SHPRH: variants seen among roughly 807,000 people sequenced by gnomAD.
SHPRH encodes the protein E3 ubiquitin-protein ligase SHPRH.
SHPRH carries 106 observed loss-of-function variants against 202.5 expected under a neutral mutation model. The observed-to-expected ratio is 0.52, with a 90% confidence interval of 0.45 to 0.62. The LOEUF (loss-of-function observed/expected upper bound fraction) is 0.62. SHPRH is among the 20% of genes least tolerant of loss of function. The pLI, the probability that SHPRH is intolerant of heterozygous loss-of-function variation, is 0.00. For synonymous variants in SHPRH, 729 were observed against 686.0 expected, an observed-to-expected ratio of 1.06 and a Z score of -0.98; for missense variants, 1,710 against 2,020.0, an observed-to-expected ratio of 0.85 and a Z score of 2.94.
At chr6:145,866,880 C>T (rs781685143) in intron 2 of SHPRH, among the ~76,000 whole-genome samples, 15 of 152,078 alleles carry the variant, frequency 9.9e-5, no homozygotes, top group Non-Finnish European at 1.8e-4. Flanking sequence ...CACTTCTGGC[C>T]TTTGCCTGTG....
chr6:145,948,402 A>G, intron 4 of SHPRH, 52 bp from the exon 5 acceptor site: 1 of 1,380,320 alleles, frequency 7.2e-7, no homozygotes, highest in Non-Finnish European at 1.0e-6. Flanking sequence ...CTTCAGTCAG[A>G]TAATCACATT....
chr6:145,951,173 T>C (rs1171738788), intron 3 of SHPRH, among the ~76,000 whole-genome samples: 1 of 152,110 alleles, frequency 6.6e-6, no homozygotes, highest in Non-Finnish European at 1.5e-5. Flanking sequence ...AGAAGATTTA[T>C]ACTTACTATA....
intron 21 of SHPRH, 145 bp downstream of exon 21, chr6:145,921,022 A>C (rs1308070615): frequency 3.1e-6 from 2 of 635,722 alleles, no homozygotes; most frequent in African/African-American, 3.7e-5. Context: ...TTATTACAAC[A>C]GTTACATTTC....
intron 11 of SHPRH, among the ~76,000 whole-genome samples, chr6:145,936,888 T>A (rs1246097118): frequency 6.6e-6 from 1 of 152,104 alleles, no homozygotes; most frequent in Non-Finnish European, 1.5e-5. Context: ...TCAATTGCTA[T>A]ATGTTACCTC....
chr6:145,937,776 TTC>T (rs1435848609), intron 11 of SHPRH, among the ~76,000 whole-genome samples: 3 of 152,216 alleles, frequency 2.0e-5, no homozygotes, highest in Non-Finnish European at 4.4e-5. Flanking sequence ...CATTAATATT[TTC>T]TGTTTCCTCT....
intron 11 of SHPRH, among the ~76,000 whole-genome samples, chr6:145,939,013 A>G (rs1324266166): frequency 6.6e-6 from 1 of 152,176 alleles, no homozygotes; most frequent in East Asian, 1.9e-4. Context: ...CATACAGGAC[A>G]ATTCCCAAAG....
At chr6:145,922,584 G>C in intron 19 of SHPRH, 79 bp downstream of exon 19, 1 of 1,472,210 alleles carries the variant, frequency 6.8e-7, no homozygotes, top group East Asian at 2.4e-5. Flanking sequence ...TTTACTATAT[G>C]AGTCAATTGT....
At position 145,894,797 on chromosome 6, in the gene SHPRH, A is replaced by G. The variant is rs1419353857; in HGVS notation, c.4608+88T>C. ...ATTTGGGAAAAAAAATCTAAGAGTA[A>G]ACATCAAAAATTAGTTCTCAGCTGT... On this transcript the variant is annotated intron_variant, in intron 26 of 29. Transcript: ENST00000275233. 3 of 1,125,744 alleles carry G rather than the reference A, an allele frequency of 2.7e-6. No homozygotes were observed. In the African/African-American group the frequency reaches 4.7e-5, roughly 18 times the overall value. The allele number at this position is 1,125,744 out of a possible 1,614,324, so 69.7% of individuals were successfully genotyped here.
rs148122914 is a variant in SHPRH at position 145,946,172 on chromosome 6, G to T, written c.1321+61C>A. 1,322 of 1,238,686 alleles carry T rather than the reference G, an allele frequency of 1.1e-3. 21 individuals carry two copies. The East Asian group carries it at 0.028, about 26-fold the overall frequency. The allele number at this position is 1,238,686 out of a possible 1,614,324, so 76.7% of individuals were successfully genotyped here. ...CAATTACAAGATATCTCTAAGGATTGCAAGAACTCTAGCAAAGATCACTAT... is the reference window on the plus strand; with the variant it reads ...CAATTACAAGATATCTCTAAGGATTTCAAGAACTCTAGCAAAGATCACTAT... On this transcript the variant is annotated intron_variant, in intron 7 of 29. Transcript: ENST00000275233.
intron 14 of SHPRH, among the ~76,000 whole-genome samples, 192 bp downstream of exon 14, chr6:145,932,865 T>C (rs1785621038): frequency 6.6e-6 from 1 of 152,188 alleles, no homozygotes; most frequent in South Asian, 2.1e-4. Flanking sequence ...ATGTAAACTT[T>C]GAAGGTTTTC....
intron 25 of SHPRH, chr6:145,905,589 G>C (rs1024513532): frequency 2.0e-5 from 3 of 151,992 alleles, no homozygotes; most frequent in African/African-American, 4.8e-5. Context: ...ATCATCTCTA[G>C]ATTACCTCAT....
Position 145,943,692 on chromosome 6 carries a change from G to C in SHPRH, c.1689C>G (p.Tyr563Ter), listed in dbSNP as rs748407482. ...SDTSDDDDDP[Y>*]YYYYKSRRNR... is the part of the protein sequence containing the mutation. Reference sequence around the variant, plus strand: ...TTCTCCTGGACTTATAATAATAATAGTAAGGATCATCATCATCATCAGAGG... The same window carrying C: ...TTCTCCTGGACTTATAATAATAATACTAAGGATCATCATCATCATCAGAGG... Residue 563 changes from tyrosine (Y) to a stop codon, truncating the protein, a stop_gained, in exon 9 of 30, where the codon TAC (tyrosine) becomes TAG (stop). Coordinates refer to ENST00000275233, the MANE Select transcript of SHPRH (RefSeq NM_001042683.3). LOFTEE classifies it high-confidence loss of function. The C allele has an allele frequency of 6.2e-7, 1 of 1,613,684 alleles. No individual in the cohort carries two copies. Among genetic ancestry groups the C allele is most frequent in the South Asian group, 1.1e-5 (1 of 91,060 alleles).
Position 145,954,985 on chromosome 6 carries a change from T to G in SHPRH, c.338A>C (p.Lys113Thr), listed in dbSNP as rs199502433. 36 of 1,613,764 alleles carry G rather than the reference T, an allele frequency of 2.2e-5. No homozygotes were observed. The Admixed American group carries it at 3.3e-4, about 15-fold the overall frequency. The change falls in exon 2 of 30, where the codon AAA becomes ACA. Residue 113 changes from lysine (K) to threonine (T), a missense_variant. By Grantham distance (78) the Lys-to-Thr change is moderately conservative. Around this residue, in one of 8 missense-constraint regions of SHPRH, gnomAD observed 459 missense variants for 426.5 expected, o/e 1.08. Transcript: ENST00000275233. ...ISPYHFDNSW[K>T]AFLGELTLQL... ...AAGAGTTAATTCTCCTAGAAATGCT[T>G]TCCAGGAATTATCAAAATGATAGGG...
At chr6:145,946,455 G>T (rs1787383846) in intron 6 of SHPRH, 114 bp from the exon 7 acceptor site, 1 of 783,118 alleles carries the variant, frequency 1.3e-6, no homozygotes. Context: ...TAAAAAAATT[G>T]CAAGAGAAAG....
chr6:145,944,932 G>A (rs953187599), intron 8 of SHPRH, among the ~76,000 whole-genome samples: 1 of 152,052 alleles, frequency 6.6e-6, no homozygotes, highest in Non-Finnish European at 1.5e-5. Flanking sequence ...ATGGTGACAT[G>A]AGCCTGTACT....
At chr6:145,959,994 A>G (rs1488269858) in intron 1 of SHPRH, among the ~76,000 whole-genome samples, 1 of 152,244 alleles carries the variant, frequency 6.6e-6, no homozygotes, top group Non-Finnish European at 1.5e-5. Flanking sequence ...ATGCTATAGT[A>G]GCTTATCAGT....
chr6:145,883,120 A>C (rs1780707307), downstream of SHPRH: 1 of 152,174 alleles, frequency 6.6e-6, no homozygotes, highest in African/African-American at 2.4e-5. Context: ...GCAGGGAAAA[A>C]GTTATTAATT....
At chr6:145,934,175 C>T (rs1785779167) in intron 13 of SHPRH, among the ~76,000 whole-genome samples, 1 of 151,704 alleles carries the variant, frequency 6.6e-6, no homozygotes, top group African/African-American at 2.4e-5. Flanking sequence ...CCTGTCTCTA[C>T]AAAAACATAA....
At chr6:145,878,424 C>A (rs1482161747) in intron 2 of SHPRH, among the ~76,000 whole-genome samples, 1 of 152,168 alleles carries the variant, frequency 6.6e-6, no homozygotes, top group African/African-American at 2.4e-5. Context: ...GGCTCACTGT[C>A]CTAAAAATCC....
Sources: gnomAD v4.1 joint callset for allele counts (sites outside exome capture counted in the v4.1 genomes callset) on GRCh38, gnomAD v4.1.1 for gene constraint, gnomAD v4.1.1 regional missense constraint, MANE v1.5 for transcripts, NCBI Gene and HGNC (gene_info 2026-07-23, HGNC 2026-07-21) for gene names.